The following CD200R1 variants were observed in gnomAD, a reference collection of about 807,000 sequenced individuals.
The protein encoded by CD200R1 is cell surface glycoprotein CD200 receptor 1.
In CD200R1, 30 loss-of-function variants were observed where a neutral mutation model predicts 38.1. That is an observed-to-expected ratio of 0.79 (90% confidence interval 0.59 to 1.07). The LOEUF is 1.07. Among genes scored for constraint, CD200R1 ranks in the 50% least tolerant of loss-of-function variants. The pLI, the probability that CD200R1 is intolerant of heterozygous loss-of-function variation, is 0.00. For synonymous variants in CD200R1, 128 were observed against 152.1 expected (o/e 0.84, Z 1.16); for missense variants, 372 against 415.4 (o/e 0.90, Z 0.91).
At chr3:112,959,403 T>A (rs1014304129) in intron 1 of CD200R1, among the ~76,000 whole-genome samples, 2 of 152,254 alleles carry the variant, frequency 1.3e-5, no homozygotes, top group East Asian at 1.9e-4. Flanking sequence ...CTTTATCAGA[T>A]AACCATATTA....
chr3:112,962,830 C>G (rs1933057089), intron 1 of CD200R1, among the ~76,000 whole-genome samples: 1 of 152,196 alleles, frequency 6.6e-6, no homozygotes, highest in African/African-American at 2.4e-5. Context: ...AGGCATTGCA[C>G]TTTACAAAAA....
At chr3:112,970,924 TA>T (rs1367967729) in intron 1 of CD200R1, among the ~76,000 whole-genome samples, 2 of 152,204 alleles carry the variant, frequency 1.3e-5, no homozygotes, top group Non-Finnish European at 2.9e-5. Context: ...CTATCTTTTA[TA>T]GACTGGAAAG....
chr3:112,974,799 A>G lies in CD200R1; in HGVS notation c.59T>C (p.Leu20Ser). Residue 20 changes from leucine to serine, a missense_variant, in exon 1 of 8, where the codon TTA becomes TCA. Coordinates refer to ENST00000308611, the MANE Select transcript of CD200R1 (RefSeq NM_138806.4). Reference sequence around the variant, plus strand: ...AGAGAATTCAAACTTACCGGCCACTAAGAAGATAGTCAAAATCAACAGTAG... The same window carrying G: ...AGAGAATTCAAACTTACCGGCCACTGAGAAGATAGTCAAAATCAACAGTAG... ...LGLLLILTIFLVAEAEGAAQP... is the reference protein window; with the variant it reads ...LGLLLILTIFSVAEAEGAAQP... 6.3e-7 allele frequency: 1 copy of G among 1,588,330 alleles called. No individual in the cohort carries two copies. Among genetic ancestry groups the G allele is most frequent in the South Asian group, 1.1e-5 (1 of 87,932 alleles).
intron 1 of CD200R1, among the ~76,000 whole-genome samples, chr3:112,962,974 G>C (rs755693136): frequency 3.9e-5 from 6 of 152,144 alleles, no homozygotes; most frequent in Non-Finnish European, 5.9e-5. Context: ...TTGAATCATG[G>C]GGGCAGGTCT....
chr3:112,948,039 C>A, intron 1 of CD200R1, 115 bp from the exon 2 acceptor site: 1 of 708,418 alleles, frequency 1.4e-6, no homozygotes, highest in South Asian at 1.6e-5. Flanking sequence ...ATTGCAGTTG[C>A]CAATGAATAT....
chr3:112,941,447 T>A (rs1437023562), intron 2 of CD200R1, among the ~76,000 whole-genome samples: 1 of 151,472 alleles, frequency 6.6e-6, no homozygotes, highest in African/African-American at 2.4e-5. Context: ...AAAATTAATA[T>A]AAATAAGTAA....
intron 1 of CD200R1, among the ~76,000 whole-genome samples, chr3:112,965,026 T>A (rs1576154080): frequency 6.6e-6 from 1 of 152,218 alleles, no homozygotes. Context: ...ACCATTATTA[T>A]AAGACCTTCC....
intron 6 of CD200R1, among the ~76,000 whole-genome samples, chr3:112,924,866 C>T (rs1940246562): frequency 6.6e-6 from 1 of 152,074 alleles, no homozygotes; most frequent in African/African-American, 2.4e-5. Flanking sequence ...CAAGATCCTA[C>T]CCTAAATGGC....
intron 1 of CD200R1, among the ~76,000 whole-genome samples, chr3:112,957,685 C>T (rs1057372776): frequency 1.3e-5 from 2 of 151,976 alleles, no homozygotes; most frequent in African/African-American, 4.8e-5. Flanking sequence ...AAGATATCAT[C>T]AAGATAATGA....
At chr3:112,932,722 C>A (rs923973621) in intron 2 of CD200R1, among the ~76,000 whole-genome samples, 1 of 152,110 alleles carries the variant, frequency 6.6e-6, no homozygotes, top group African/African-American at 2.4e-5. Context: ...CATATCAGTT[C>A]CATACCCACA....
At chr3:112,931,229 C>T (rs986978357) in intron 2 of CD200R1, 58 bp from the exon 3 acceptor site, 14 of 1,041,442 alleles carry the variant, frequency 1.3e-5, no homozygotes, top group East Asian at 7.1e-5. Context: ...AGAGTGGAAG[C>T]CAGTATCCCT....
intron 2 of CD200R1, among the ~76,000 whole-genome samples, chr3:112,942,174 G>T (rs956047932): frequency 1.3e-5 from 2 of 151,514 alleles, no homozygotes; most frequent in Non-Finnish European, 3.0e-5. Context: ...ACAAGTGAAG[G>T]TAAAATTAAA....
At chr3:112,937,938 A>ATTCT (rs1013390088) in intron 2 of CD200R1, among the ~76,000 whole-genome samples, 5 of 151,814 alleles carry the variant, frequency 3.3e-5, no homozygotes, top group African/African-American at 7.3e-5. Context: ...TAGGTATTTT[A>ATTCT]TTCTTTTGTG....
At chr3:112,924,120 G>C (rs72491119) in intron 7 of CD200R1, among the ~76,000 whole-genome samples, 6,075 of 151,896 alleles carry the variant, frequency 0.04, 264 homozygotes, top group East Asian at 0.22. Context: ...GAAGGAGCAG[G>C]ATATGTTTTA....
chr3:112,964,506 C>T (rs979514211), intron 1 of CD200R1, among the ~76,000 whole-genome samples: 1 of 152,176 alleles, frequency 6.6e-6, no homozygotes, highest in African/African-American at 2.4e-5. Flanking sequence ...GATTTGACTG[C>T]CCTGCTGGAT....
chr3:112,929,527 G>A lies in CD200R1; in HGVS notation c.203-20C>T, dbSNP rs146155712. 5.3e-4 allele frequency: 834 copies of A among 1,576,100 alleles called. 6 individuals carry two copies. In the African/African-American group the frequency reaches 0.01, roughly 20 times the overall value. ...TGTTAACTGGACATGAAAAGAGAAT[G>A]ATAAAAGAAAAGCTTGATAAAGAAC... is the stretch of plus-strand genomic sequence containing the variant. On this transcript the variant is annotated intron_variant, in intron 3 of 7. Transcript: ENST00000308611.
In CD200R1 at chr3:112,923,600, T is replaced by C. The variant is rs1034665641; in HGVS notation, c.*77A>G. On this transcript the variant is annotated 3_prime_UTR_variant, in exon 8 of 8. Coordinates refer to ENST00000308611, the MANE Select transcript of CD200R1 (RefSeq NM_138806.4). Reference sequence around the variant, plus strand: ...CTAATTTCAATATAAGTCTTCATTCTAGAACTGTAAGAAAATCAGACAGTA... The same window carrying C: ...CTAATTTCAATATAAGTCTTCATTCCAGAACTGTAAGAAAATCAGACAGTA... The C allele has an allele frequency of 1.4e-5, 11 of 776,516 alleles. No individual in the cohort carries two copies. Among genetic ancestry groups the C allele is most frequent in the Admixed American group, 6.9e-5 (3 of 43,266 alleles). 48.1% of individuals were successfully genotyped at this position (776,516 alleles called of 1,614,324 possible).
chr3:112,932,151 A>G (rs984952880), intron 2 of CD200R1, among the ~76,000 whole-genome samples: 1 of 152,072 alleles, frequency 6.6e-6, no homozygotes, highest in African/African-American at 2.4e-5. Flanking sequence ...CTGTGAGCCA[A>G]GCTGCTGCAG....
chr3:112,962,307 T>G (rs938784598), intron 1 of CD200R1, among the ~76,000 whole-genome samples: 3 of 152,118 alleles, frequency 2.0e-5, no homozygotes, highest in Non-Finnish European at 2.9e-5. Flanking sequence ...CAAAGGACAA[T>G]ACATTCAATG....
Sources: gnomAD v4.1 joint callset for allele counts (sites outside exome capture counted in the v4.1 genomes callset) on GRCh38, gnomAD v4.1.1 for gene constraint, MANE v1.5 for transcripts, NCBI Gene and HGNC (gene_info 2026-07-23, HGNC 2026-07-21) for gene names.